The following UNC13B variants were observed in gnomAD, a reference collection of about 807,000 sequenced individuals.
The protein encoded by UNC13B is protein unc-13 homolog B.
In UNC13B, 144 loss-of-function variants were observed where a neutral mutation model predicts 211.0. That is an observed-to-expected ratio of 0.68 (90% CI 0.60 to 0.78). The LOEUF (loss-of-function observed/expected upper bound fraction) is 0.78, where lower values mean the gene tolerates loss of function less well. UNC13B is among the 30% of genes least tolerant of loss of function. The pLI is 0.00. For missense variants in UNC13B, 1,777 were observed against 2,002.0 expected, an observed-to-expected ratio of 0.89 and a Z score of 2.14; for synonymous variants, 709 against 725.8, an observed-to-expected ratio of 0.98 and a Z score of 0.37.
intron 1 of UNC13B, among the ~76,000 whole-genome samples, chr9:35,165,189 C>T (rs1820968362): frequency 1.3e-5 from 2 of 152,126 alleles, no homozygotes; most frequent in Non-Finnish European, 2.9e-5. Flanking sequence ...GAAGTTATGT[C>T]ACCTTTTTTG....
intron 26 of UNC13B, among the ~76,000 whole-genome samples, chr9:35,395,962 G>A (rs1041434319): frequency 6.6e-6 from 1 of 152,098 alleles, no homozygotes; most frequent in African/African-American, 2.4e-5. Context: ...CTGCCCAACT[G>A]CTCTGTCAAC....
intron 26 of UNC13B, among the ~76,000 whole-genome samples, chr9:35,393,920 A>C (rs1835707734): frequency 1.3e-5 from 2 of 152,158 alleles, no homozygotes; most frequent in Non-Finnish European, 2.9e-5. Flanking sequence ...ACATATGTCA[A>C]GCAAGGGATT....
chr9:35,163,438 G>A (rs557216799), intron 1 of UNC13B, among the ~76,000 whole-genome samples: 1 of 152,146 alleles, frequency 6.6e-6, no homozygotes, highest in South Asian at 2.1e-4. Flanking sequence ...AATGGATTTG[G>A]CCATTTCCCG....
At chr9:35,337,800 A>T (rs1182739682) in intron 11 of UNC13B, among the ~76,000 whole-genome samples, 1 of 152,252 alleles carries the variant, frequency 6.6e-6, no homozygotes, top group African/African-American at 2.4e-5. Flanking sequence ...AGAATTCTCC[A>T]GATTTGGGTT....
intron 6 of UNC13B, among the ~76,000 whole-genome samples, chr9:35,250,234 T>C (rs1270461598): frequency 1.3e-5 from 2 of 152,234 alleles, no homozygotes; most frequent in East Asian, 1.9e-4. Context: ...TGGCTTTTAC[T>C]AGCTTCATAG....
At chr9:35,193,559 G>A (rs1395622546) in intron 1 of UNC13B, among the ~76,000 whole-genome samples, 2 of 151,338 alleles carry the variant, frequency 1.3e-5, no homozygotes, top group East Asian at 1.9e-4. Flanking sequence ...TCAGGAGGCT[G>A]AGGCAGGAGA....
At chr9:35,276,389 C>T (rs1190622899) in intron 7 of UNC13B, among the ~76,000 whole-genome samples, 3 of 151,800 alleles carry the variant, frequency 2.0e-5, no homozygotes, top group Non-Finnish European at 2.9e-5. Flanking sequence ...ATCTGTTTCC[C>T]AAAATCCTGG....
intron 1 of UNC13B, among the ~76,000 whole-genome samples, chr9:35,197,217 C>CT (rs1020196768): frequency 6.6e-6 from 1 of 151,468 alleles, no homozygotes; most frequent in Non-Finnish European, 1.5e-5. Context: ...TTCCTTTTTT[C>CT]TTTTTTTTGA....
chr9:35,377,834 T>G, intron 16 of UNC13B, 139 bp downstream of exon 16: 1 of 905,680 alleles, frequency 1.1e-6, no homozygotes, highest in Admixed American at 2.8e-5. Context: ...GGCCTCTTTA[T>G]TAATCACTTC....
rs907235849 is a variant in UNC13B, at chr9:35,305,903, G to A, written c.6499G>A (p.Gly2167Arg). The change falls in exon 9 of 40, where the codon GGA (glycine) becomes AGA (arginine). Residue 2167 changes from glycine to arginine, a missense_variant. Coordinates refer to ENST00000635942, the MANE Select transcript of UNC13B (RefSeq NM_001371189.2). ...AAAGAGTATATTTTCTTTTCTCACT[G>A]GATCTGAAAAATCTGAGAACAGAGC... ...TKKSIFSFLT[G>R]SEKSENRASA... 12 of 398,796 alleles carry A rather than the reference G, an allele frequency of 3.0e-5. No individual in the cohort carries two copies. The highest frequency in any genetic ancestry group is 6.2e-4 in the Middle Eastern group (1 of 1,610). 24.7% of individuals were successfully genotyped at this position (398,796 alleles called of 1,614,324 possible).
chr9:35,348,364 C>T (rs949968854), intron 11 of UNC13B, among the ~76,000 whole-genome samples: 10 of 152,244 alleles, frequency 6.6e-5, no homozygotes, highest in African/African-American at 1.7e-4. Context: ...GTCTGAGAGA[C>T]GGCCGGCCTC....
At chr9:35,259,176 C>A in intron 7 of UNC13B, 126 bp downstream of exon 7, 1 of 984,390 alleles carries the variant, frequency 1.0e-6, no homozygotes, top group Non-Finnish European at 1.5e-6. Flanking sequence ...ATTCCTGAAG[C>A]ACATCTGTTC....
chr9:35,205,467 C>T (rs781141364), intron 1 of UNC13B, among the ~76,000 whole-genome samples: 3 of 152,138 alleles, frequency 2.0e-5, no homozygotes, highest in East Asian at 1.9e-4. Flanking sequence ...GTAACTGTCA[C>T]CACAATAAAT....
chr9:35,209,387 A>G (rs1236237850), intron 1 of UNC13B, among the ~76,000 whole-genome samples: 2 of 149,814 alleles, frequency 1.3e-5, no homozygotes, highest in East Asian at 4.0e-4. Context: ...AGTTATTATT[A>G]TTATTTTTAA....
Position 35,333,956 on chromosome 9 carries a change from TTTTG to T in UNC13B, c.9414+19975_9414+19978del. 1.5e-5 allele frequency among the ~76,000 whole-genome samples: 2 copies of T among 131,012 alleles called. 1 individual carries two copies. The highest frequency in any genetic ancestry group is 3.3e-5 in the Non-Finnish European group (2 of 61,274). 85.9% of individuals were successfully genotyped at this position (131,012 alleles called of 152,430 possible). ...TGCTTTGGGCTTTTCATATTCATTT[TTTTG>T]TTTGTTTTTTTTTTTGTTTTTTGAG... On this transcript the variant is annotated intron_variant, in intron 11 of 39. Coordinates refer to ENST00000635942, the MANE Select transcript of UNC13B (RefSeq NM_001371189.2).
intron 1 of UNC13B, among the ~76,000 whole-genome samples, chr9:35,217,726 G>C (rs908746881): frequency 3.3e-5 from 5 of 152,092 alleles, no homozygotes; most frequent in Non-Finnish European, 5.9e-5. Context: ...TTTACAGGCA[G>C]TCCTATTCTA....
At chr9:35,316,936 T>C (rs771875240) in intron 11 of UNC13B, among the ~76,000 whole-genome samples, 2 of 151,884 alleles carry the variant, frequency 1.3e-5, no homozygotes, top group African/African-American at 2.4e-5. Context: ...CACATTGTTT[T>C]AAAAAAAAGT....
intron 5 of UNC13B, among the ~76,000 whole-genome samples, chr9:35,241,653 T>C (rs1486368185): frequency 6.6e-6 from 1 of 152,088 alleles, no homozygotes; most frequent in East Asian, 1.9e-4. Context: ...TCCCTGTGCC[T>C]TGCTGTTTTG....
At chr9:35,236,156 GT>G (rs1189690866) in intron 3 of UNC13B, among the ~76,000 whole-genome samples, 6 of 152,080 alleles carry the variant, frequency 3.9e-5, no homozygotes, top group African/African-American at 1.4e-4. Context: ...GTATGTGTGT[GT>G]TAAGAGCATT....
Sources: allele counts gnomAD v4.1 joint callset (sites outside exome capture counted in the v4.1 genomes callset), GRCh38; gene constraint gnomAD v4.1.1; transcripts MANE v1.5; gene names NCBI Gene and HGNC (gene_info 2026-07-23, HGNC 2026-07-21).